Variants in CCDC88A observed in about 807,000 individuals in gnomAD.
The protein encoded by CCDC88A is coiled-coil and HOOK domain protein 88A.
CCDC88A carries 54 observed loss-of-function variants against 234.3 expected under a neutral mutation model. The ratio of observed to expected loss-of-function variants is 0.23; its 90% CI spans 0.19 to 0.29. The LOEUF (loss-of-function observed/expected upper bound fraction) is 0.29, where lower values mean the gene tolerates loss of function less well. Among genes scored for constraint, CCDC88A ranks in the 10% least tolerant of loss-of-function variants. The probability of loss-of-function intolerance (pLI) is 1.00; values close to 1 mark genes in which losing one functional copy is unlikely to be tolerated. For missense variants in CCDC88A, 1,832 were observed against 2,123.4 expected (o/e 0.86, Z 2.70); for synonymous variants, 753 against 737.8 (o/e 1.02, Z -0.33).
chr2:55,337,819 G>A (rs1574167556), intron 13 of CCDC88A: 2 of 151,992 alleles, frequency 1.3e-5, no homozygotes, highest in African/African-American at 4.8e-5. Context: ...CAGCCTGGGT[G>A]ATATAGTGAG....
chr2:55,394,274 T>C (rs1677151745), intron 2 of CCDC88A: 1 of 152,376 alleles, frequency 6.6e-6, no homozygotes, highest in East Asian at 1.9e-4. Context: ...TCATTTTTTA[T>C]GGCTGCATAG....
chr2:55,299,975 G>C (rs1680683981), intron 28 of CCDC88A, 56 bp from the exon 29 acceptor site: 13 of 1,119,102 alleles, frequency 1.2e-5, no homozygotes, highest in Non-Finnish European at 1.8e-5. Flanking sequence ...TGATGCTGAT[G>C]AGCTTTTACA....
At chr2:55,330,479 A>C (rs1326888466) in intron 16 of CCDC88A, among the ~76,000 whole-genome samples, 1 of 139,282 alleles carries the variant, frequency 7.2e-6, no homozygotes, top group Non-Finnish European at 1.6e-5. Flanking sequence ...GACTCAAAAA[A>C]AAGAAAGACG....
At chr2:55,299,472 A>G (rs1680621363) in intron 29 of CCDC88A, among the ~76,000 whole-genome samples, 1 of 152,216 alleles carries the variant, frequency 6.6e-6, no homozygotes, top group South Asian at 2.1e-4. Context: ...AGCCAAACAT[A>G]TTTCTAAAAT....
chr2:55,339,362 T>C (rs1456234555), intron 13 of CCDC88A, 102 bp downstream of exon 13: 2 of 1,069,464 alleles, frequency 1.9e-6, no homozygotes, highest in Non-Finnish European at 2.6e-6. Context: ...CAAGTTAAAA[T>C]AACATTGAGC....
At chr2:55,370,571 G>A (rs552866219) in intron 5 of CCDC88A, among the ~76,000 whole-genome samples, 1 of 148,112 alleles carries the variant, frequency 6.8e-6, no homozygotes, top group East Asian at 2.0e-4. Context: ...AACCTGGGAG[G>A]CAGAGGTTGC....
At chr2:55,414,824 G>C (rs1394947366) in intron 2 of CCDC88A, among the ~76,000 whole-genome samples, 2 of 152,102 alleles carry the variant, frequency 1.3e-5, no homozygotes, top group Non-Finnish European at 2.9e-5. Flanking sequence ...CCAGCACTTT[G>C]GGAGGCTGAG....
At chr2:55,398,078 T>A (rs986284738) in intron 2 of CCDC88A, among the ~76,000 whole-genome samples, 1 of 152,130 alleles carries the variant, frequency 6.6e-6, no homozygotes, top group Non-Finnish European at 1.5e-5. Context: ...AACCTCACAA[T>A]CAAAAGGGAT....
At chr2:55,366,484 G>A (rs540816808) in intron 5 of CCDC88A, among the ~76,000 whole-genome samples, 83 of 151,448 alleles carry the variant, frequency 5.5e-4, no homozygotes, top group Middle Eastern at 3.4e-3. Context: ...CCAAGATTGC[G>A]CCACTACACT....
intron 6 of CCDC88A, among the ~76,000 whole-genome samples, chr2:55,362,823 T>C (rs147196315): frequency 2.2e-4 from 34 of 152,136 alleles, no homozygotes; most frequent in African/African-American, 7.5e-4. Context: ...AGGTTTTTAA[T>C]CTTGTAGGAT....
intron 17 of CCDC88A, chr2:55,323,080 T>A (rs1259526580): frequency 6.5e-6 from 1 of 153,722 alleles, no homozygotes; most frequent in Non-Finnish European, 1.4e-5. Flanking sequence ...TAAGGATATA[T>A]CGTATTCAGG....
At chr2:55,388,674 C>G (rs1473781833) in intron 3 of CCDC88A, 104 bp downstream of exon 3, 1 of 575,866 alleles carries the variant, frequency 1.7e-6, no homozygotes, top group Non-Finnish European at 3.1e-6. Context: ...AGATCAGAAC[C>G]TAGCATATAA....
chr2:55,363,058 G>C (rs1056243069), intron 6 of CCDC88A, among the ~76,000 whole-genome samples: 1 of 151,894 alleles, frequency 6.6e-6, no homozygotes, highest in African/African-American at 2.4e-5. Context: ...GGCAAATTCA[G>C]TAACTTGCAA....
intron 2 of CCDC88A, among the ~76,000 whole-genome samples, chr2:55,389,774 C>T (rs1214776430): frequency 6.6e-6 from 1 of 152,024 alleles, no homozygotes; most frequent in African/African-American, 2.4e-5. Context: ...GGCACGGTGA[C>T]TCACGCCTAT....
intron 25 of CCDC88A, among the ~76,000 whole-genome samples, chr2:55,307,328 G>A (rs982033523): frequency 1.3e-5 from 2 of 151,182 alleles, no homozygotes; most frequent in African/African-American, 4.9e-5. Context: ...TATATCATAA[G>A]TTTATAAACA....
Position 55,299,883 on chromosome 2 carries a change from G to A in CCDC88A, c.4781C>T (p.Ser1594Phe), listed in dbSNP as rs755017028. The change falls in exon 29 of 33, where the codon TCC becomes TTC. Residue 1594 changes from serine (S) to phenylalanine (F), a missense_variant. Coordinates refer to ENST00000436346, the MANE Select transcript of CCDC88A (RefSeq NM_001365480.1). ...AGCATTATTATTGCTATTGCTAGTG[G>A]ATGTTCTGCCACTATCAAGGCTGGC... ...RPASLDSGRTSTSNSNNNASL... is the reference protein window; with the variant it reads ...RPASLDSGRTFTSNSNNNASL... The A allele has an allele frequency of 6.2e-7, 1 of 1,613,716 alleles. No individual in the cohort carries two copies. The highest frequency in any genetic ancestry group is 1.1e-5 in the South Asian group (1 of 91,058).
At chr2:55,320,176 C>G (rs1574090308) in intron 18 of CCDC88A, among the ~76,000 whole-genome samples, 1 of 152,052 alleles carries the variant, frequency 6.6e-6, no homozygotes. Context: ...ACTGATAGTA[C>G]TGATGTATTT....
chr2:55,398,809 GGACTGTGATT>G (rs1170242320), intron 2 of CCDC88A, among the ~76,000 whole-genome samples: 2 of 151,800 alleles, frequency 1.3e-5, no homozygotes, highest in African/African-American at 4.8e-5. Flanking sequence ...AGGCTGCAGT[GGACTGTGATT>G]ATACCATCGC....
chr2:55,324,122 G>C (rs1266174073), intron 17 of CCDC88A: 1 of 151,954 alleles, frequency 6.6e-6, no homozygotes, highest in South Asian at 2.1e-4. Context: ...ATAAATCACT[G>C]TAACAAAGTA....
Sources: gnomAD v4.1 joint callset for allele counts (sites outside exome capture counted in the v4.1 genomes callset) on GRCh38, gnomAD v4.1.1 for gene constraint, MANE v1.5 for transcripts, NCBI Gene and HGNC (gene_info 2026-07-23, HGNC 2026-07-21) for gene names.